Variants in HINFP observed in about 807,000 individuals in gnomAD.
The protein encoded by HINFP is histone H4 transcription factor, also known as MBD2 (methyl-CpG-binding protein)-interacting zinc finger protein.
A neutral mutation model predicts 50.1 loss-of-function variants in HINFP; 20 were observed. The observed-to-expected ratio is 0.40, with a 90% CI of 0.28 to 0.58. The LOEUF (loss-of-function observed/expected upper bound fraction) is 0.58, where lower values mean the gene tolerates loss of function less well. Ranked by LOEUF, HINFP falls within the 20% of genes least tolerant of loss-of-function variation. The pLI is 0.45. For missense variants in HINFP, 505 were observed against 664.1 expected, an observed-to-expected ratio of 0.76 and a Z score of 2.63; for synonymous variants, 247 against 243.7, an observed-to-expected ratio of 1.01 and a Z score of -0.13.
In HINFP at chr11:119,131,257, T is replaced by C. The variant is rs1947737098; in HGVS notation, c.412-278T>C. The C allele has an allele frequency of 1.8e-6, 1 of 568,764 alleles. No individual in the cohort carries two copies. The highest frequency in any genetic ancestry group is 1.9e-5 in the South Asian group (1 of 53,610). The allele number at this position is 568,764 out of a possible 1,614,324, so 35.2% of individuals were successfully genotyped here. On this transcript the variant is annotated intron_variant, in intron 3 of 9. Coordinates refer to ENST00000350777, the MANE Select transcript of HINFP (RefSeq NM_198971.3). This position sits in a 1 kb window ranked among gnomAD's most constrained non-coding sequence, Gnocchi z 4.2. Reference sequence around the variant, plus strand: ...GCATGTACCACCATGCCCTGCTAACTTCTAAATTTTTTGTAGAGACAAGGT... The same window carrying C: ...GCATGTACCACCATGCCCTGCTAACCTCTAAATTTTTTGTAGAGACAAGGT...
At position 119,134,557 on chromosome 11, in the gene HINFP, C is replaced by T; in HGVS notation, c.*59C>T. The T allele has an allele frequency of 3.6e-6, 5 of 1,393,876 alleles. No individual in the cohort carries two copies. Among genetic ancestry groups the T allele is most frequent in the East Asian group, 2.4e-5 (1 of 41,050 alleles). 86.3% of individuals were successfully genotyped at this position (1,393,876 alleles called of 1,614,324 possible). ...CCTGAAGTTTGAGCCAGGCAAGTGG[C>T]AGTGCCCCTAGTGGGCAGCCGTTGC... On this transcript the variant is annotated 3_prime_UTR_variant, in exon 10 of 10. Coordinates refer to ENST00000350777, the MANE Select transcript of HINFP (RefSeq NM_198971.3). The surrounding 1 kb of genome is among the most constrained non-coding windows in gnomAD (Gnocchi z 4.3).
rs777382562 is a variant in HINFP at position 119,132,557 on chromosome 11, C to T, written c.738C>T (p.Asp246=). 2 of 1,614,172 alleles carry T rather than the reference C, an allele frequency of 1.2e-6. No homozygotes were observed. Among genetic ancestry groups the T allele is most frequent in the East Asian group, 2.2e-5 (1 of 44,874 alleles). ...KRFATERLLR[D]HMRNHVNHYK... The stretch of plus-strand genomic sequence containing the variant: ...TTGCCACAGAGCGGCTATTGCGGGA[C>T]CACATGCGCAACCATGGTGAGTGGC... The change falls in exon 6 of 10, where the codon GAC becomes GAT. Residue 246 remains aspartate (D), a synonymous_variant. Transcript: ENST00000350777.
chr11:119,133,032 G>A lies in HINFP; in HGVS notation c.1014+30G>A, dbSNP rs756590990. On this transcript the variant is annotated intron_variant, in intron 8 of 9. Transcript: ENST00000350777. ...GTGGGGCTGGTGTTGGGAAGGACTA[G>A]TGGAAGTATGGGGGACCCTGGGGTG... 59 of 1,614,130 alleles carry A rather than the reference G, an allele frequency of 3.7e-5. 1 individual carries two copies. The South Asian group carries it at 4.9e-4, about 14-fold the overall frequency.
Position 119,130,787 on chromosome 11 carries a change from C to T in HINFP, c.244C>T (p.Leu82Phe), listed in dbSNP as rs764119707. 6.2e-7 allele frequency: 1 copy of T among 1,614,200 alleles called. No individual in the cohort carries two copies. Among genetic ancestry groups the T allele is most frequent in the South Asian group, 1.1e-5 (1 of 91,088 alleles). The change falls in exon 3 of 10, where the codon CTC becomes TTC. Residue 82 changes from leucine (L) to phenylalanine (F), a missense_variant. Physicochemically the swap from Leu to Phe is conservative, Grantham distance 22. Transcript: ENST00000350777. ...TTGTTCTCTGGACAGTTCTGCTGAC[C>T]TCATCCGCCATGTCTACTTCCACTG... ...GFCSLDSSAD[L>F]IRHVYFHCYH...
At chr11:119,130,082 G>A (rs1005775992) in intron 2 of HINFP, 4 of 152,350 alleles carry the variant, frequency 2.6e-5, no homozygotes, top group African/African-American at 9.7e-5. Context: ...GAGTTGATGG[G>A]GCCTTCTTGG....
chr11:119,124,469 C>T (rs1238983214), intron 1 of HINFP: 1 of 152,096 alleles, frequency 6.6e-6, no homozygotes, highest in African/African-American at 2.4e-5. Context: ...CGGCTAGTGT[C>T]CTCTCTCTAG....
chr11:119,131,965 G>A lies in HINFP; in HGVS notation c.659G>A (p.Arg220His), dbSNP rs748351950. ...ACCAAGTTCTTAGATCACATCCGTCGCCAGACCTCATTGGATCGTAAGTAG... is the reference window on the plus strand; with the variant it reads ...ACCAAGTTCTTAGATCACATCCGTCACCAGACCTCATTGGATCGTAAGTAG... ...NNTKFLDHIR[R>H]QTSLDQQHFQ... is the part of the protein sequence containing the mutation. Residue 220 changes from arginine (R) to histidine (H), a missense_variant, in exon 5 of 10, where the codon CGC (arginine) becomes CAC (histidine). By Grantham distance (29) the Arg-to-His change is conservative. Transcript: ENST00000350777. The surrounding 1 kb of genome is among the most constrained non-coding windows in gnomAD (Gnocchi z 4.2). 3.7e-6 allele frequency: 6 copies of A among 1,614,000 alleles called. No homozygotes were observed. Among genetic ancestry groups the A allele is most frequent in the South Asian group, 1.1e-5 (1 of 91,078 alleles).
chr11:119,134,692 G>A lies in HINFP; in HGVS notation c.*194G>A. ...TCCCTTTTCTGCCAGACTACATTTT[G>A]TGGGGAGCCTGAGGACTCTGGATTC... On this transcript the variant is annotated 3_prime_UTR_variant, in exon 10 of 10. Transcript: ENST00000350777. The surrounding 1 kb of genome is among the most constrained non-coding windows in gnomAD (Gnocchi z 4.3). 1.9e-6 allele frequency: 1 copy of A among 529,060 alleles called. No individual in the cohort carries two copies. The highest frequency in any genetic ancestry group is 3.3e-6 in the Non-Finnish European group (1 of 299,298). The allele number at this position is 529,060 out of a possible 1,614,324, so 32.8% of individuals were successfully genotyped here.
chr11:119,127,493 T>TA, intron 2 of HINFP: 1 of 143,940 alleles, frequency 6.9e-6, no homozygotes, highest in East Asian at 1.9e-4. Flanking sequence ...TTTTTTTTTT[T>TA]ACTCTTCTAG....
rs575006452 is a variant in HINFP at position 119,132,736 on chromosome 11, G to A, written c.830G>A (p.Arg277His). ...PSSLRNHMRF[R>H]HSEDRPFKCD... The stretch of plus-strand genomic sequence containing the variant: ...TCCCTCCGCAACCACATGCGCTTTC[G>A]TCACAGTGAGGACCGGCCCTTTAAA... Residue 277 changes from arginine (R) to histidine (H), a missense_variant, in exon 7 of 10, where the codon CGT (arginine) becomes CAT (histidine). Arg to His is a conservative substitution (Grantham distance 29). Transcript: ENST00000350777. 10 of 1,613,752 alleles carry A rather than the reference G, an allele frequency of 6.2e-6. No homozygotes were observed. Among genetic ancestry groups the A allele is most frequent in the Middle Eastern group, 1.6e-4 (1 of 6,062 alleles).
At chr11:119,133,918 C>CT in intron 9 of HINFP, 166 bp from the exon 10 acceptor site, 1 of 847,880 alleles carries the variant, frequency 1.2e-6, no homozygotes, top group South Asian at 1.8e-5. Context: ...TCCCTCTTGC[C>CT]TTTTCTTCTA....
chr11:119,125,558 T>C (rs2135027188), intron 1 of HINFP: 1 of 152,284 alleles, frequency 6.6e-6, no homozygotes, highest in South Asian at 2.1e-4. Flanking sequence ...ATGCCTGTGG[T>C]CCCAGTTACT....
In HINFP at chr11:119,126,981, C is replaced by A. The variant is rs369592186; in HGVS notation, c.37C>A (p.Leu13Met). Residue 13 changes from leucine to methionine, a missense_variant, in exon 2 of 10, where the codon CTG becomes ATG. Leu to Met is a conservative substitution (Grantham distance 15). Coordinates refer to ENST00000350777, the MANE Select transcript of HINFP (RefSeq NM_198971.3). ...TGGGAAAGTTCCCCGAAAGGAGAAT[C>A]TGTGGCTACAGTGTGAGTGGGGGTC... The part of the protein sequence containing the change: ...PPGKVPRKEN[L>M]WLQCEWGSCS... 3.7e-6 allele frequency: 6 copies of A among 1,613,822 alleles called. No individual in the cohort carries two copies. Among genetic ancestry groups the A allele is most frequent in the Non-Finnish European group, 4.2e-6 (5 of 1,179,906 alleles).
chr11:119,124,241 A>G (rs56063458), intron 1 of HINFP: 7,705 of 152,318 alleles, frequency 0.051, 424 homozygotes, highest in South Asian at 0.29. Context: ...ATGTAGGTAC[A>G]GTAGGTATAG....
chr11:119,133,846 G>A (rs1947917391), intron 9 of HINFP: 2 of 596,138 alleles, frequency 3.4e-6, no homozygotes, highest in Admixed American at 3.0e-5. Flanking sequence ...AACACAGTCA[G>A]TCAGTCTCTG....
Position 119,130,870 on chromosome 11 carries a change from T to C in HINFP, c.327T>C (p.Leu109=). ...GLQALQSQAD[L]GPCILDFQSR... is the part of the protein sequence containing the mutation. ...AGGCCTTGCAAAGCCAGGCTGACCT[T>C]GGCCCCTGCATCCTGGACTTCCAGA... The change falls in exon 3 of 10, where the codon CTT becomes CTC. Residue 109 remains leucine (L), a synonymous_variant. Transcript: ENST00000350777. The C allele has an allele frequency of 1.9e-6, 3 of 1,614,206 alleles. No homozygotes were observed. Among genetic ancestry groups the C allele is most frequent in the Non-Finnish European group, 2.5e-6 (3 of 1,180,028 alleles).
At position 119,131,663 on chromosome 11, in the gene HINFP, A is replaced by C; in HGVS notation, c.523+17A>C. On this transcript the variant is annotated intron_variant, in intron 4 of 9. Transcript: ENST00000350777. The surrounding 1 kb of genome is among the most constrained non-coding windows in gnomAD (Gnocchi z 4.2). The stretch of plus-strand genomic sequence containing the variant: ...GCTGGAAAGGTAGGGCTGCTTCTTA[A>C]CTTGTGGCTTCTGGAGGAAACGCTG... 1.9e-6 allele frequency: 3 copies of C among 1,608,078 alleles called. No individual in the cohort carries two copies. The highest frequency in any genetic ancestry group is 2.6e-6 in the Non-Finnish European group (3 of 1,174,534).
rs929780033 is a variant in HINFP, at chr11:119,131,407, A to G, written c.412-128A>G. The G allele has an allele frequency of 1.4e-6, 1 of 715,238 alleles. No individual in the cohort carries two copies. The highest frequency in any genetic ancestry group is 2.5e-6 in the Non-Finnish European group (1 of 394,790). The allele number at this position is 715,238 out of a possible 1,614,324, so 44.3% of individuals were successfully genotyped here. Reference sequence around the variant, plus strand: ...CCCGGCCACTCCTCCATTTCTGTGCAGTGCCTTTCCTCAAAATTTCCCATC... The same window carrying G: ...CCCGGCCACTCCTCCATTTCTGTGCGGTGCCTTTCCTCAAAATTTCCCATC... On this transcript the variant is annotated intron_variant, in intron 3 of 9. Transcript: ENST00000350777. This position sits in a 1 kb window ranked among gnomAD's most constrained non-coding sequence, Gnocchi z 4.2.
intron 9 of HINFP, 106 bp downstream of exon 9, chr11:119,133,325 A>T (rs886492319): frequency 1.7e-5 from 24 of 1,422,932 alleles, no homozygotes; most frequent in Non-Finnish European, 2.2e-5. Flanking sequence ...TCACGCCTGT[A>T]ATCCCAGCAC....
Sources: allele counts gnomAD v4.1 joint callset, GRCh38; gene constraint gnomAD v4.1.1; non-coding constraint Gnocchi (gnomAD v3.1); transcripts MANE v1.5; gene names NCBI Gene and HGNC (gene_info 2026-07-23, HGNC 2026-07-21).